Variants in CFH observed in about 807,000 individuals in gnomAD.
The protein encoded by CFH is complement factor H, also known as H factor 1 (complement).
In CFH, 53 loss-of-function variants were observed where a neutral mutation model predicts 147.3. The observed-to-expected ratio is 0.36, with a 90% CI of 0.29 to 0.45. The LOEUF is 0.45. CFH is among the 20% of genes least tolerant of loss of function. CFH has a pLI of 1.00. For synonymous variants in CFH, 536 were observed against 489.4 expected, an observed-to-expected ratio of 1.10 and a Z score of -1.26; for missense variants, 1,380 against 1,498.0, an observed-to-expected ratio of 0.92 and a Z score of 1.30.
chr1:196,743,398 A>G, intron 19 of CFH, 54 bp from the exon 20 acceptor site: 4 of 1,605,038 alleles, frequency 2.5e-6, no homozygotes, highest in Non-Finnish European at 3.4e-6. Flanking sequence ...TTATCAGTTG[A>G]TTTGCTACTC....
chr1:196,741,760 ATGT>A (rs1652814588), intron 18 of CFH, 112 bp from the exon 19 acceptor site: 3 of 911,394 alleles, frequency 3.3e-6, no homozygotes, highest in South Asian at 3.1e-5. Context: ...TATAAGAAAA[ATGT>A]TGTACAGTAT....
At chr1:196,714,283 T>C (rs1466054804) in intron 10 of CFH, among the ~76,000 whole-genome samples, 5 of 152,134 alleles carry the variant, frequency 3.3e-5, no homozygotes, top group African/African-American at 1.2e-4. Flanking sequence ...ACAAAAGCAA[T>C]GTTTTTATTG....
chr1:196,742,301 G>A (rs1008063320), intron 19 of CFH, among the ~76,000 whole-genome samples: 3 of 152,130 alleles, frequency 2.0e-5, no homozygotes, highest in Admixed American at 6.5e-5. Flanking sequence ...GCTTGAACCA[G>A]GGAGATGAAG....
intron 21 of CFH, 146 bp downstream of exon 21, chr1:196,746,145 T>C: frequency 1.3e-6 from 2 of 1,490,458 alleles, no homozygotes; most frequent in Non-Finnish European, 1.8e-6. Flanking sequence ...AAGTAAAGTT[T>C]AGAAATTTTT....
rs767947888 is a variant in CFH at position 196,673,978 on chromosome 1, G to A, written c.350+16G>A. On this transcript the variant is annotated intron_variant, in intron 3 of 21. Coordinates refer to ENST00000367429, the MANE Select transcript of CFH (RefSeq NM_000186.4). The stretch of plus-strand genomic sequence containing the variant: ...GTAATGAGGGGTATGTAGTCCATAC[G>A]AAAAGAGGTTTATAATTAAGATAGT... 17 of 1,512,950 alleles carry A rather than the reference G, an allele frequency of 1.1e-5. No individual in the cohort carries two copies. The highest frequency in any genetic ancestry group is 1.7e-4 in the Middle Eastern group (1 of 5,910). The allele number at this position is 1,512,950 out of a possible 1,614,324, so 93.7% of individuals were successfully genotyped here.
At chr1:196,704,633 G>A (rs889235282) in intron 9 of CFH, among the ~76,000 whole-genome samples, 7 of 152,222 alleles carry the variant, frequency 4.6e-5, no homozygotes, top group Admixed American at 2.6e-4. Flanking sequence ...TACAAGTCAA[G>A]TTTTGTGCAG....
At chr1:196,699,233 T>G (rs900856602) in intron 9 of CFH, among the ~76,000 whole-genome samples, 1 of 152,186 alleles carries the variant, frequency 6.6e-6, no homozygotes, top group Non-Finnish European at 1.5e-5. Context: ...ATAATGTGTT[T>G]TTTTTTCCAT....
chr1:196,692,799 TTTCTTTCTTTCTTTCTTTCTTTC>T (rs879569093), intron 9 of CFH, among the ~76,000 whole-genome samples: 3,845 of 94,650 alleles, frequency 0.041, 299 homozygotes, highest in Admixed American at 0.086. Context: ...TCTTTCTTTC[TTTCTTTCTTTCTTTCTTTCTTTC>T]TCTTTCCTTC....
intron 1 of CFH, among the ~76,000 whole-genome samples, chr1:196,671,806 C>T (rs1667291017): frequency 6.7e-6 from 1 of 149,176 alleles, no homozygotes; most frequent in Non-Finnish European, 1.5e-5. Context: ...TGCTTTTCTG[C>T]TGTTTTGACT....
In CFH at chr1:196,740,737, G is replaced by T. The variant is rs1429015058; in HGVS notation, c.2901G>T (p.Gly967=). The change falls in exon 18 of 22, where the codon GGG becomes GGT. Residue 967 remains glycine, a synonymous_variant. Coordinates refer to ENST00000367429, the MANE Select transcript of CFH (RefSeq NM_000186.4). ...YKCFEGFGID[G]PAIAKCLGEK... ...GTTTTGAAGGTTTTGGAATTGATGG[G>T]CCTGCAATTGCAAAATGCTTAGGAG... 6.2e-7 allele frequency: 1 copy of T among 1,613,782 alleles called. No homozygotes were observed. The highest frequency in any genetic ancestry group is 8.5e-7 in the Non-Finnish European group (1 of 1,179,946).
intron 9 of CFH, among the ~76,000 whole-genome samples, chr1:196,694,471 G>C (rs1447850868): frequency 6.6e-6 from 1 of 152,134 alleles, no homozygotes; most frequent in African/African-American, 2.4e-5. Flanking sequence ...ACATATGTGT[G>C]CATGTGCCTT....
chr1:196,735,107 A>G (rs962898212), intron 15 of CFH, among the ~76,000 whole-genome samples: 10 of 152,116 alleles, frequency 6.6e-5, no homozygotes, highest in African/African-American at 1.9e-4. Flanking sequence ...GTGTGTGTGT[A>G]TGTTCTATGT....
chr1:196,744,480 C>T (rs1029828403), intron 20 of CFH, among the ~76,000 whole-genome samples: 11 of 152,062 alleles, frequency 7.2e-5, no homozygotes, highest in African/African-American at 2.2e-4. Context: ...CATTCTATCT[C>T]TTTGTATAGC....
chr1:196,740,739 C>T lies in CFH; in HGVS notation c.2903C>T (p.Pro968Leu), dbSNP rs1652783732. Reference protein sequence around the residue: ...KCFEGFGIDGPAIAKCLGEKW... With the variant: ...KCFEGFGIDGLAIAKCLGEKW... ...TTTGAAGGTTTTGGAATTGATGGGCCTGCAATTGCAAAATGCTTAGGAGAA... is the reference window on the plus strand; with the variant it reads ...TTTGAAGGTTTTGGAATTGATGGGCTTGCAATTGCAAAATGCTTAGGAGAA... Residue 968 changes from proline to leucine, a missense_variant, in exon 18 of 22, where the codon CCT becomes CTT. Transcript: ENST00000367429. 6.2e-7 allele frequency: 1 copy of T among 1,613,954 alleles called. No individual in the cohort carries two copies. The highest frequency in any genetic ancestry group is 1.7e-5 in the Admixed American group (1 of 60,016).
Position 196,717,807 on chromosome 1 carries a change from C to G in CFH, c.1696+2038C>G, listed in dbSNP as rs143728107. ...TGCGAGGGGAAAGGACTCACAGCTACTGTGGAGGTATTGTGCTTTGGTGGC... is the reference window on the plus strand; with the variant it reads ...TGCGAGGGGAAAGGACTCACAGCTAGTGTGGAGGTATTGTGCTTTGGTGGC... On this transcript the variant is annotated intron_variant, in intron 11 of 21. Coordinates refer to ENST00000367429, the MANE Select transcript of CFH (RefSeq NM_000186.4). Among the ~76,000 whole-genome samples, 113 of 152,214 alleles carry G rather than the reference C, an allele frequency of 7.4e-4. 1 individual carries two copies. In the East Asian group the frequency reaches 0.02, roughly 27 times the overall value.
intron 9 of CFH, among the ~76,000 whole-genome samples, chr1:196,690,970 A>T (rs1031032064): frequency 2.0e-5 from 3 of 152,090 alleles, no homozygotes; most frequent in Admixed American, 6.6e-5. Flanking sequence ...TATTGGCACA[A>T]CTGCTGGCAT....
intron 9 of CFH, among the ~76,000 whole-genome samples, chr1:196,710,390 G>A (rs1668698895): frequency 6.6e-6 from 1 of 152,128 alleles, no homozygotes; most frequent in African/African-American, 2.4e-5. Context: ...AAATAGAATA[G>A]AAGCTATTTA....
intron 11 of CFH, among the ~76,000 whole-genome samples, chr1:196,718,650 G>T (rs1558175489): frequency 6.6e-6 from 1 of 152,000 alleles, no homozygotes; most frequent in East Asian, 1.9e-4. Context: ...GAAGCCAGAA[G>T]CTTTTACAAT....
intron 1 of CFH, among the ~76,000 whole-genome samples, chr1:196,652,837 G>A (rs1299793907): frequency 6.6e-6 from 1 of 151,716 alleles, no homozygotes; most frequent in Non-Finnish European, 1.5e-5. Flanking sequence ...TATGAATGTA[G>A]GAGTTTTTTT....
Sources: gnomAD v4.1 joint callset for allele counts (sites outside exome capture counted in the v4.1 genomes callset) on GRCh38, gnomAD v4.1.1 for gene constraint, MANE v1.5 for transcripts, NCBI Gene and HGNC (gene_info 2026-07-23, HGNC 2026-07-21) for gene names.